Variants in LGSN observed in about 807,000 individuals in gnomAD.
LGSN encodes lengsin.
In LGSN, 21 loss-of-function variants were observed where a neutral mutation model predicts 19.5. The observed-to-expected ratio is 1.07, with a 90% CI of 0.76 to 1.55. The LOEUF is 1.55. Ranked by LOEUF, LGSN falls within the 40% of genes most tolerant of loss-of-function variation. LGSN has a pLI of 0.00. For synonymous variants in LGSN, 257 were observed against 215.6 expected, an observed-to-expected ratio of 1.19 and a Z score of -1.68; for missense variants, 673 against 608.5, an observed-to-expected ratio of 1.11 and a Z score of -1.12.
intron 2 of LGSN, among the ~76,000 whole-genome samples, chr6:63,289,041 C>CA (rs1767664723): frequency 6.6e-6 from 1 of 152,210 alleles, no homozygotes; most frequent in Admixed American, 6.5e-5. Context: ...ACTGTATACT[C>CA]ACATGTTCCT....
At chr6:63,500,885 G>A in the LGSN span, among the ~76,000 whole-genome samples, 1 of 151,874 alleles carries the variant, frequency 6.6e-6, no homozygotes, top group Non-Finnish European at 1.5e-5. Context: ...GTGCCACCAG[G>A]CCTGGCTAAT....
the LGSN span, among the ~76,000 whole-genome samples, chr6:63,474,660 G>A: frequency 9.9e-5 from 15 of 151,508 alleles, no homozygotes; most frequent in East Asian, 3.9e-4. Flanking sequence ...TGTGGCTCAC[G>A]CCTGTAATCC....
the LGSN span, among the ~76,000 whole-genome samples, chr6:63,412,545 A>G: frequency 3.8e-4 from 52 of 137,554 alleles, no homozygotes; most frequent in South Asian, 1.6e-3. Flanking sequence ...AAAGAAAGAA[A>G]GAAAGAAAGA....
At chr6:63,529,109 ATATATATATATGTATATATATGTGTGTG>A in the LGSN span, among the ~76,000 whole-genome samples, 101 of 146,048 alleles carry the variant, frequency 6.9e-4, no homozygotes, top group African/African-American at 1.6e-3. Context: ...ATATGTGTGT[ATATATATATATGTATATATATGTGTGTG>A]TATATATATA....
the LGSN span, among the ~76,000 whole-genome samples, chr6:63,432,197 A>G: frequency 3.4e-5 from 1 of 29,452 alleles, no homozygotes; most frequent in African/African-American, 1.6e-4. Flanking sequence ...AGAAAAGAAA[A>G]GAAAAGAAAA....
the LGSN span, among the ~76,000 whole-genome samples, chr6:63,502,134 T>A: frequency 6.6e-6 from 1 of 152,086 alleles, no homozygotes; most frequent in African/African-American, 2.4e-5. Context: ...ACAGTTTGGG[T>A]TGCAAATTCA....
chr6:63,412,147 A>G, the LGSN span, among the ~76,000 whole-genome samples: 1 of 152,028 alleles, frequency 6.6e-6, no homozygotes, highest in African/African-American at 2.4e-5. Context: ...TGGGCAGATC[A>G]CTTGAGGTCA....
the LGSN span, among the ~76,000 whole-genome samples, chr6:63,474,498 A>G: frequency 7.4e-4 from 113 of 151,756 alleles, no homozygotes; most frequent in Admixed American, 2.8e-3. Flanking sequence ...AGTCCCAGCT[A>G]CTCAGGAGGT....
chr6:63,364,272 A>T, the LGSN span, among the ~76,000 whole-genome samples: 1 of 151,278 alleles, frequency 6.6e-6, no homozygotes, highest in African/African-American at 2.4e-5. Context: ...ACAAAAAAAA[A>T]ACGGGTTGCA....
the LGSN span, among the ~76,000 whole-genome samples, chr6:63,357,772 T>C: frequency 6.6e-6 from 1 of 152,138 alleles, no homozygotes; most frequent in African/African-American, 2.4e-5. Flanking sequence ...TTTTCTCCCA[T>C]ACTGTAGGTT....
chr6:63,288,266 TA>T (rs1169965409), intron 2 of LGSN, among the ~76,000 whole-genome samples: 8 of 119,166 alleles, frequency 6.7e-5, no homozygotes, highest in Admixed American at 4.0e-4. Flanking sequence ...AATAAATAAA[TA>T]AATAATAATA....
At chr6:63,332,916 GGTGA>G in the LGSN span, among the ~76,000 whole-genome samples, 1 of 152,074 alleles carries the variant, frequency 6.6e-6, no homozygotes, top group East Asian at 1.9e-4. Context: ...GGACCCTCGC[GGTGA>G]GTGTTACAGC....
the LGSN span, chr6:63,549,227 C>G: frequency 1.4e-6 from 1 of 728,112 alleles, no homozygotes; most frequent in Non-Finnish European, 2.5e-6. Flanking sequence ...GCTGAAGTAG[C>G]AGAGCAGCTG....
At chr6:63,477,664 TTTCTTCTTCTTCTTC>T in the LGSN span, among the ~76,000 whole-genome samples, 1 of 148,702 alleles carries the variant, frequency 6.7e-6, no homozygotes, top group Admixed American at 6.7e-5. Flanking sequence ...TCTTTTTCTT[TTTCTTCTTCTTCTTC>T]TTTTTTTCTT....
chr6:63,376,201 C>T, the LGSN span, among the ~76,000 whole-genome samples: 2 of 152,122 alleles, frequency 1.3e-5, no homozygotes, highest in Non-Finnish European at 2.9e-5. Flanking sequence ...CTAACCATTC[C>T]TACACTCTTC....
At chr6:63,542,714 C>A in the LGSN span, among the ~76,000 whole-genome samples, 1 of 152,134 alleles carries the variant, frequency 6.6e-6, no homozygotes, top group Admixed American at 6.6e-5. Context: ...TCACCGACTG[C>A]TTTTTTGAAA....
chr6:63,407,032 A>T, the LGSN span, among the ~76,000 whole-genome samples: 27 of 152,144 alleles, frequency 1.8e-4, no homozygotes, highest in African/African-American at 5.3e-4. Flanking sequence ...TTGAGGCAAT[A>T]ATCAATAGCT....
the LGSN span, among the ~76,000 whole-genome samples, chr6:63,465,155 C>T: frequency 5.9e-5 from 9 of 151,900 alleles, no homozygotes; most frequent in African/African-American, 9.7e-5. Flanking sequence ...GCTACTACTG[C>T]GCGTCTATTT....
the LGSN span, among the ~76,000 whole-genome samples, chr6:63,353,659 T>A: frequency 6.9e-6 from 1 of 144,520 alleles, no homozygotes. Flanking sequence ...AAAATTTGCA[T>A]GAAACCAAAA....
Sources: gnomAD v4.1 joint callset for allele counts (sites outside exome capture counted in the v4.1 genomes callset) on GRCh38, gnomAD v4.1.1 for gene constraint, MANE v1.5 for transcripts, NCBI Gene and HGNC (gene_info 2026-07-23, HGNC 2026-07-21) for gene names.